LRP1B: variants seen among roughly 807,000 people sequenced by gnomAD.
The protein encoded by LRP1B is LDL receptor related protein 1B.
A neutral mutation model predicts 556.6 loss-of-function variants in LRP1B; 217 were observed. That is an observed-to-expected ratio of 0.39 (90% confidence interval 0.35 to 0.44). LRP1B has a LOEUF of 0.44. Among genes scored for constraint, LRP1B ranks in the 20% least tolerant of loss-of-function variants. The pLI is 1.00. For synonymous variants in LRP1B, 2,047 were observed against 1,865.8 expected (o/e 1.10, Z -2.50); for missense variants, 5,053 against 5,620.8 (o/e 0.90, Z 3.23).
At chr2:140,905,695 A>G (rs1171008150) in intron 22 of LRP1B, among the ~76,000 whole-genome samples, 1 of 151,972 alleles carries the variant, frequency 6.6e-6, no homozygotes, top group Non-Finnish European at 1.5e-5. Flanking sequence ...TAACCCCCTT[A>G]GTGCCTTTTC....
chr2:140,662,942 A>C lies in LRP1B; in HGVS notation c.6799+37308T>G, dbSNP rs552499764. Among the ~76,000 whole-genome samples, 14 of 152,300 alleles carry C rather than the reference A, an allele frequency of 9.2e-5. No homozygotes were observed. In the East Asian group the frequency reaches 2.5e-3, roughly 27 times the overall value. ...AAAAGTTGTAGGGTAGCAAATATTA[A>C]TAACAATCTATTAGAGTAAATGTGT... is the stretch of plus-strand genomic sequence containing the variant. On this transcript the variant is annotated intron_variant, in intron 41 of 90. Transcript: ENST00000389484.
intron 1 of LRP1B, among the ~76,000 whole-genome samples, chr2:142,017,358 G>T (rs371158522): frequency 1.3e-5 from 2 of 152,028 alleles, no homozygotes; most frequent in African/African-American, 4.8e-5. Flanking sequence ...TGTTATGAAT[G>T]TATTTACGTA....
chr2:141,923,111 T>G (rs927684157), intron 1 of LRP1B, among the ~76,000 whole-genome samples: 7 of 151,544 alleles, frequency 4.6e-5, no homozygotes, highest in African/African-American at 9.7e-5. Context: ...AAATAAAGAT[T>G]AAAAATAAAT....
chr2:140,719,177 C>G (rs1315418688), intron 35 of LRP1B, among the ~76,000 whole-genome samples: 2 of 151,946 alleles, frequency 1.3e-5, no homozygotes, highest in Non-Finnish European at 2.9e-5. Flanking sequence ...TCAAAGTAAG[C>G]ATTTAGTGAG....
intron 1 of LRP1B, among the ~76,000 whole-genome samples, chr2:141,916,661 C>T (rs1398081972): frequency 6.6e-6 from 1 of 151,186 alleles, no homozygotes; most frequent in Non-Finnish European, 1.5e-5. Flanking sequence ...GGATTACAGG[C>T]GTGAGCCACC....
intron 3 of LRP1B, among the ~76,000 whole-genome samples, chr2:141,428,415 T>TA (rs775633121): frequency 2.6e-4 from 40 of 151,312 alleles, no homozygotes; most frequent in East Asian, 1.6e-3. Context: ...TTAAGTATAT[T>TA]TAAAAAAAAA....
intron 1 of LRP1B, among the ~76,000 whole-genome samples, chr2:141,984,325 AG>A (rs1339395087): frequency 1.3e-5 from 2 of 151,810 alleles, no homozygotes; most frequent in East Asian, 2.0e-4. Flanking sequence ...AATTTGGGAA[AG>A]GGGGAAAAAA....
intron 3 of LRP1B, among the ~76,000 whole-genome samples, chr2:141,264,866 T>C (rs1316007490): frequency 1.3e-5 from 2 of 152,208 alleles, no homozygotes; most frequent in African/African-American, 4.8e-5. Context: ...TGGCTGTGCC[T>C]GGTCAAGCCT....
At chr2:140,273,338 C>T (rs369135587) in intron 85 of LRP1B, among the ~76,000 whole-genome samples, 1,159 of 17,836 alleles carry the variant, frequency 0.065, 4 homozygotes, top group Non-Finnish European at 0.16. Context: ...ATGATTTGGA[C>T]GCATGTTTCA....
At chr2:140,248,393 G>A (rs540651777) in intron 86 of LRP1B, among the ~76,000 whole-genome samples, 1 of 151,652 alleles carries the variant, frequency 6.6e-6, no homozygotes, top group Admixed American at 6.6e-5. Context: ...TATGAATATG[G>A]AGCATGATTT....
At position 141,794,592 on chromosome 2, in the gene LRP1B, T is replaced by C. The variant is rs539314147; in HGVS notation, c.205+15687A>G. On this transcript the variant is annotated intron_variant, in intron 2 of 90. Transcript: ENST00000389484. ...AGATAAGTACTTTGATCACCATATGTGATATATATAAGAACATGTATATTT... is the reference window on the plus strand; with the variant it reads ...AGATAAGTACTTTGATCACCATATGCGATATATATAAGAACATGTATATTT... 3.3e-5 allele frequency among the ~76,000 whole-genome samples: 5 copies of C among 152,066 alleles called. No individual in the cohort carries two copies. The South Asian group carries it at 1.0e-3, about 31-fold the overall frequency.
intron 3 of LRP1B, among the ~76,000 whole-genome samples, chr2:141,431,066 G>A (rs1361396194): frequency 6.6e-6 from 1 of 151,980 alleles, no homozygotes; most frequent in African/African-American, 2.4e-5. Flanking sequence ...AGCCCAGGAG[G>A]TTGAGGCTGC....
At chr2:140,845,471 C>T (rs1692247752) in intron 29 of LRP1B, among the ~76,000 whole-genome samples, 1 of 152,004 alleles carries the variant, frequency 6.6e-6, no homozygotes, top group Non-Finnish European at 1.5e-5. Flanking sequence ...ACTCACACTT[C>T]CCATTAAGTT....
intron 21 of LRP1B, among the ~76,000 whole-genome samples, chr2:140,913,104 T>C (rs1445592562): frequency 6.6e-6 from 1 of 151,896 alleles, no homozygotes; most frequent in African/African-American, 2.4e-5. Context: ...AATGCCTTTT[T>C]GAACACTGGT....
At chr2:141,175,567 G>C (rs1680697313) in intron 7 of LRP1B, among the ~76,000 whole-genome samples, 1 of 152,136 alleles carries the variant, frequency 6.6e-6, no homozygotes, top group Admixed American at 6.5e-5. Context: ...CCTCCACTTA[G>C]ATTTCAGTGG....
At chr2:140,419,233 G>T (rs1252789371) in intron 66 of LRP1B, among the ~76,000 whole-genome samples, 1 of 152,202 alleles carries the variant, frequency 6.6e-6, no homozygotes, top group Non-Finnish European at 1.5e-5. Context: ...AATGATAGAT[G>T]AATCAGTTCA....
rs1053650721 is a variant in LRP1B, at chr2:142,054,126, A to T, written c.82+76522T>A. On this transcript the variant is annotated intron_variant, in intron 1 of 90. Coordinates refer to ENST00000389484, the MANE Select transcript of LRP1B (RefSeq NM_018557.3). Reference sequence around the variant, plus strand: ...TATGTCTTTTAACACGGGAGAAAACATTGAAATCTAAGTCATTATTACACA... The same window carrying T: ...TATGTCTTTTAACACGGGAGAAAACTTTGAAATCTAAGTCATTATTACACA... 5.9e-5 allele frequency among the ~76,000 whole-genome samples: 9 copies of T among 152,286 alleles called. No homozygotes were observed. The East Asian group carries it at 1.7e-3, about 29-fold the overall frequency.
intron 11 of LRP1B, among the ~76,000 whole-genome samples, chr2:141,029,597 G>A (rs1335915849): frequency 1.3e-5 from 2 of 152,020 alleles, no homozygotes; most frequent in South Asian, 2.1e-4. Flanking sequence ...TGATCTCTAG[G>A]CCCTGGGATC....
At chr2:140,388,420 AT>A (rs963769246) in intron 66 of LRP1B, among the ~76,000 whole-genome samples, 44 of 151,380 alleles carry the variant, frequency 2.9e-4, no homozygotes, top group African/African-American at 2.4e-4. Flanking sequence ...TATGTTTTAT[AT>A]TTTTTTTTCT....
Sources: gnomAD v4.1 joint callset for allele counts (sites outside exome capture counted in the v4.1 genomes callset) on GRCh38, gnomAD v4.1.1 for gene constraint, MANE v1.5 for transcripts, NCBI Gene and HGNC (gene_info 2026-07-23, HGNC 2026-07-21) for gene names.